Variants in CAMK4 observed in about 807,000 individuals in gnomAD.
The protein encoded by CAMK4 is calcium/calmodulin-dependent protein kinase type IV.
Under a neutral mutation model 44.9 loss-of-function variants are expected in CAMK4, and 22 were observed. The ratio of observed to expected loss-of-function variants is 0.49; its 90% CI spans 0.35 to 0.70. The LOEUF (loss-of-function observed/expected upper bound fraction) is 0.70, where lower values mean the gene tolerates loss of function less well. Ranked by LOEUF, CAMK4 falls within the 30% of genes least tolerant of loss-of-function variation. The probability of loss-of-function intolerance (pLI) is 0.01; values close to 1 mark genes in which losing one functional copy is unlikely to be tolerated. For missense variants in CAMK4, 498 were observed against 586.8 expected (o/e 0.85, Z 1.56); for synonymous variants, 218 against 215.4 (o/e 1.01, Z -0.11).
chr5:111,317,174 A>G (rs1033427960), intron 1 of CAMK4, among the ~76,000 whole-genome samples: 7 of 152,172 alleles, frequency 4.6e-5, no homozygotes, highest in Admixed American at 1.3e-4. Flanking sequence ...AACAAGTGCT[A>G]GGAGACTTTC....
At chr5:111,357,880 A>G (rs1259543404) in intron 2 of CAMK4, 1 of 152,092 alleles carries the variant, frequency 6.6e-6, no homozygotes, top group African/African-American at 2.4e-5. Context: ...TGAGAGTCTT[A>G]GAGAAGTGTC....
At chr5:111,364,694 C>T (rs959494225) in intron 2 of CAMK4, among the ~76,000 whole-genome samples, 2 of 152,048 alleles carry the variant, frequency 1.3e-5, no homozygotes, top group Non-Finnish European at 2.9e-5. Context: ...TGGGCTTCCT[C>T]CTCTATTGGA....
chr5:111,464,928 C>A (rs991802161), intron 7 of CAMK4, among the ~76,000 whole-genome samples: 1 of 152,088 alleles, frequency 6.6e-6, no homozygotes, highest in South Asian at 2.1e-4. Context: ...TTGCTGATAG[C>A]CTTGGATCCT....
intron 5 of CAMK4, among the ~76,000 whole-genome samples, chr5:111,441,345 A>G (rs1753816247): frequency 6.6e-6 from 1 of 152,236 alleles, no homozygotes; most frequent in Non-Finnish European, 1.5e-5. Flanking sequence ...TTTTAAAAAT[A>G]TAACACACTT....
At chr5:111,412,522 T>A (rs988933080) in intron 5 of CAMK4, among the ~76,000 whole-genome samples, 1 of 152,206 alleles carries the variant, frequency 6.6e-6, no homozygotes, top group Non-Finnish European at 1.5e-5. Flanking sequence ...CAAACCAGTA[T>A]TTAACACTAG....
intron 7 of CAMK4, chr5:111,449,722 G>A (rs1375906429): frequency 1.3e-5 from 2 of 152,300 alleles, no homozygotes; most frequent in Non-Finnish European, 2.9e-5. Context: ...CAACTACGTT[G>A]AGCTCTTCAC....
At position 111,382,245 on chromosome 5, in the gene CAMK4, A is replaced by G. The variant is rs114869191; in HGVS notation, c.386+5303A>G. Among the ~76,000 whole-genome samples the G allele has an allele frequency of 5.2e-3, 798 of 152,276 alleles. 7 individuals carry two copies. The highest frequency in any genetic ancestry group is 0.018 in the African/African-American group (735 of 41,560). On this transcript the variant is annotated intron_variant, in intron 4 of 10. Transcript: ENST00000282356. ...ATAAGACCTCACCTCCAGTCCTACT[A>G]TATGAGTCCTAATAGTAATCTGTAC...
intron 1 of CAMK4, among the ~76,000 whole-genome samples, chr5:111,293,439 T>G (rs1477599533): frequency 6.6e-6 from 1 of 152,100 alleles, no homozygotes; most frequent in Non-Finnish European, 1.5e-5. Flanking sequence ...TCTACTTTTT[T>G]TTTTTGAGAT....
chr5:111,257,269 A>G (rs940995147), intron 1 of CAMK4, among the ~76,000 whole-genome samples: 1 of 152,256 alleles, frequency 6.6e-6, no homozygotes, highest in Non-Finnish European at 1.5e-5. Context: ...AAGGTCTAAT[A>G]TCCACAATGT....
At chr5:111,476,082 G>A (rs1755224907) in intron 8 of CAMK4, among the ~76,000 whole-genome samples, 1 of 151,962 alleles carries the variant, frequency 6.6e-6, no homozygotes. Flanking sequence ...TTGCTTTACT[G>A]ATACTTGTCT....
intron 7 of CAMK4, among the ~76,000 whole-genome samples, chr5:111,451,661 C>T (rs978975463): frequency 6.6e-5 from 10 of 151,802 alleles, no homozygotes; most frequent in Non-Finnish European, 1.5e-4. Context: ...CTCAGCACTT[C>T]GGGAGGCTGA....
chr5:111,473,188 G>T, intron 7 of CAMK4, 123 bp from the exon 8 acceptor site: 1 of 741,370 alleles, frequency 1.3e-6, no homozygotes, highest in Non-Finnish European at 2.4e-6. Context: ...TTTGGGGAGA[G>T]AAGATTGGTT....
At chr5:111,281,223 T>A (rs1325088620) in intron 1 of CAMK4, among the ~76,000 whole-genome samples, 1 of 152,184 alleles carries the variant, frequency 6.6e-6, no homozygotes. Flanking sequence ...GATGGTGACA[T>A]GCTGGACAGT....
intron 7 of CAMK4, among the ~76,000 whole-genome samples, chr5:111,458,662 G>A (rs779920543): frequency 4.6e-5 from 7 of 152,154 alleles, no homozygotes; most frequent in African/African-American, 1.7e-4. Flanking sequence ...TGGAAAAGGA[G>A]CCTGGGTTAC....
chr5:111,393,677 G>A (rs1213781148), intron 4 of CAMK4, among the ~76,000 whole-genome samples: 1 of 152,058 alleles, frequency 6.6e-6, no homozygotes, highest in Non-Finnish European at 1.5e-5. Context: ...AGAATACATG[G>A]ACACAGAGAG....
At chr5:111,371,256 A>C (rs568462404) in intron 2 of CAMK4, among the ~76,000 whole-genome samples, 53 of 152,292 alleles carry the variant, frequency 3.5e-4, no homozygotes, top group Middle Eastern at 6.8e-3. Flanking sequence ...ACACTCTAGC[A>C]AAACATTCTC....
chr5:111,419,713 T>G (rs903716622), intron 5 of CAMK4, among the ~76,000 whole-genome samples: 18 of 152,262 alleles, frequency 1.2e-4, no homozygotes, highest in African/African-American at 4.3e-4. Flanking sequence ...CCTTTCCCCA[T>G]TTCTTGTTTT....
In CAMK4 at chr5:111,291,054, C is replaced by G. The variant is rs377136456; in HGVS notation, c.162-52970C>G. 1.6e-4 allele frequency among the ~76,000 whole-genome samples: 24 copies of G among 151,952 alleles called. 1 individual carries two copies. Among genetic ancestry groups the G allele is most frequent in the East Asian group, 1.6e-3 (8 of 5,160 alleles). On this transcript the variant is annotated intron_variant, in intron 1 of 10. Coordinates refer to ENST00000282356, the MANE Select transcript of CAMK4 (RefSeq NM_001744.6). Reference sequence around the variant, plus strand: ...ATTGACAATTATAAGTGAAATAAGCCCAAAACTTTTAATGAATCCCTCATT... The same window carrying G: ...ATTGACAATTATAAGTGAAATAAGCGCAAAACTTTTAATGAATCCCTCATT...
chr5:111,253,996 C>CT (rs1554055017), intron 1 of CAMK4, among the ~76,000 whole-genome samples: 1 of 152,078 alleles, frequency 6.6e-6, no homozygotes, highest in Non-Finnish European at 1.5e-5. Context: ...TTTCAGAAAT[C>CT]TTTTTGTGTG....
Sources: gnomAD v4.1 joint callset for allele counts (sites outside exome capture counted in the v4.1 genomes callset) on GRCh38, gnomAD v4.1.1 for gene constraint, MANE v1.5 for transcripts, NCBI Gene and HGNC (gene_info 2026-07-23, HGNC 2026-07-21) for gene names.